CD244: variants seen among roughly 807,000 people sequenced by gnomAD.
The protein encoded by CD244 is CD244 molecule.
CD244 carries 20 observed loss-of-function variants against 45.5 expected under a neutral mutation model. The observed-to-expected ratio is 0.44, with a 90% CI of 0.31 to 0.64. CD244 has a LOEUF of 0.64. Ranked by LOEUF, CD244 falls within the 30% of genes least tolerant of loss-of-function variation. The pLI, the probability that CD244 is intolerant of heterozygous loss-of-function variation, is 0.08. For synonymous variants in CD244, 185 were observed against 160.5 expected, an observed-to-expected ratio of 1.15 and a Z score of -1.15; for missense variants, 407 against 426.9, an observed-to-expected ratio of 0.95 and a Z score of 0.41.
intron 1 of CD244, among the ~76,000 whole-genome samples, chr1:160,855,310 G>A (rs554776537): frequency 3.3e-5 from 5 of 152,164 alleles, no homozygotes; most frequent in Non-Finnish European, 7.4e-5. Flanking sequence ...TCCAGCTGGG[G>A]TTGGAGATTA....
At chr1:160,858,892 G>A (rs1670198868) in intron 1 of CD244, among the ~76,000 whole-genome samples, 2 of 152,214 alleles carry the variant, frequency 1.3e-5, no homozygotes, top group Admixed American at 6.5e-5. Flanking sequence ...GGGTTGACTT[G>A]TGGCAGGTAC....
intron 1 of CD244, among the ~76,000 whole-genome samples, chr1:160,852,013 C>T (rs1384795772): frequency 1.3e-5 from 2 of 152,062 alleles, no homozygotes; most frequent in Non-Finnish European, 2.9e-5. Context: ...GCAATACATA[C>T]ATTTGAAAAA....
rs549240549 is a variant in CD244, at chr1:160,833,888, T to C, written c.960+163A>G. Among the ~76,000 whole-genome samples the C allele has an allele frequency of 1.1e-4, 17 of 152,310 alleles. No individual in the cohort carries two copies. Among genetic ancestry groups the C allele is most frequent in the Non-Finnish European group, 1.0e-4 (7 of 68,028 alleles). On this transcript the variant is annotated intron_variant, in intron 7 of 8. Coordinates refer to ENST00000368034, the MANE Select transcript of CD244 (RefSeq NM_016382.4). ...GACAGAACCAGTAAGGCATTTCTCA[T>C]TGGCCCATTGACATTTAAATACAGT...
chr1:160,833,124 C>T (rs1219833401), intron 7 of CD244, among the ~76,000 whole-genome samples: 1 of 152,052 alleles, frequency 6.6e-6, no homozygotes, highest in Non-Finnish European at 1.5e-5. Context: ...TTCAGAGGCA[C>T]ATTCAGTAGC....
intron 1 of CD244, among the ~76,000 whole-genome samples, chr1:160,857,190 C>T (rs1202423140): frequency 6.6e-6 from 1 of 152,194 alleles, no homozygotes; most frequent in Non-Finnish European, 1.5e-5. Flanking sequence ...AACCAAAAGC[C>T]AGTGGCCCCA....
chr1:160,832,851 C>T (rs1204475755), intron 7 of CD244: 1 of 304,260 alleles, frequency 3.3e-6, no homozygotes, highest in African/African-American at 3.4e-5. Flanking sequence ...AAAACCCATA[C>T]ACATATGTGT....
At chr1:160,846,368 C>T (rs944752803) in intron 1 of CD244, among the ~76,000 whole-genome samples, 4 of 152,154 alleles carry the variant, frequency 2.6e-5, no homozygotes, top group Non-Finnish European at 4.4e-5. Context: ...TCTAGAATTT[C>T]GGTACTTCAA....
rs80141387 is a variant in CD244, at chr1:160,831,585, G to A, written c.1018-158C>T. Among the ~76,000 whole-genome samples, 713 of 152,316 alleles carry A rather than the reference G, an allele frequency of 4.7e-3. 4 individuals carry two copies. The highest frequency in any genetic ancestry group is 0.016 in the African/African-American group (669 of 41,560). ...GGATCCACGACTAGTGTGAAGTGCA[G>A]GAGGGACTTGAATCTAGTTCTTCTG... On this transcript the variant is annotated intron_variant, in intron 8 of 8. Coordinates refer to ENST00000368034, the MANE Select transcript of CD244 (RefSeq NM_016382.4).
At chr1:160,845,901 C>T (rs1344166862) in intron 1 of CD244, among the ~76,000 whole-genome samples, 1 of 150,404 alleles carries the variant, frequency 6.6e-6, no homozygotes, top group Non-Finnish European at 1.5e-5. Context: ...CAAAAGACAA[C>T]CTCTCAATAC....
intron 1 of CD244, among the ~76,000 whole-genome samples, chr1:160,862,049 CCTT>C (rs933877743): frequency 2.1e-4 from 32 of 152,130 alleles, no homozygotes; most frequent in Admixed American, 2.0e-3. Context: ...CATATTGTCT[CCTT>C]CTTCTGCCCC....
At chr1:160,852,079 A>G (rs533156030) in intron 1 of CD244, among the ~76,000 whole-genome samples, 1 of 152,344 alleles carries the variant, frequency 6.6e-6, no homozygotes, top group South Asian at 2.1e-4. Context: ...GATGACAATA[A>G]TAGACTGGAA....
chr1:160,854,949 G>A (rs1670055356), intron 1 of CD244, among the ~76,000 whole-genome samples: 1 of 152,210 alleles, frequency 6.6e-6, no homozygotes, highest in Non-Finnish European at 1.5e-5. Context: ...GATGAGGGAT[G>A]TCTTCACAGA....
At chr1:160,859,240 G>A (rs191563654) in intron 1 of CD244, among the ~76,000 whole-genome samples, 10 of 152,254 alleles carry the variant, frequency 6.6e-5, no homozygotes, top group South Asian at 4.1e-4. Context: ...AACAGAGAGC[G>A]AGGTCCAGGA....
chr1:160,853,614 G>T (rs1384729625), intron 1 of CD244, among the ~76,000 whole-genome samples: 1 of 151,894 alleles, frequency 6.6e-6, no homozygotes, highest in African/African-American at 2.4e-5. Context: ...AATATGACTT[G>T]CCCATTGTGG....
chr1:160,832,862 G>T (rs1669176921), intron 7 of CD244: 2 of 332,108 alleles, frequency 6.0e-6, no homozygotes, highest in Middle Eastern at 2.2e-3. Context: ...ACATATGTGT[G>T]TGTGTGTGTA....
chr1:160,854,143 C>T (rs1403554371), intron 1 of CD244, among the ~76,000 whole-genome samples: 14 of 152,294 alleles, frequency 9.2e-5, no homozygotes, highest in South Asian at 6.2e-4. Context: ...GTTTAATTTT[C>T]AGGTGTTTAG....
chr1:160,857,362 G>A (rs1163628212), intron 1 of CD244, among the ~76,000 whole-genome samples: 1 of 152,054 alleles, frequency 6.6e-6, no homozygotes, highest in Non-Finnish European at 1.5e-5. Context: ...TATTATAATA[G>A]CAAAAACAAA....
chr1:160,854,640 C>G (rs181431636), intron 1 of CD244, among the ~76,000 whole-genome samples: 1,726 of 152,030 alleles, frequency 0.011, 24 homozygotes, highest in Non-Finnish European at 0.016. Flanking sequence ...GTAATCCACC[C>G]GTCTCAGCCT....
At chr1:160,853,027 A>G (rs1669975413) in intron 1 of CD244, among the ~76,000 whole-genome samples, 1 of 152,210 alleles carries the variant, frequency 6.6e-6, no homozygotes, top group Non-Finnish European at 1.5e-5. Flanking sequence ...CCGTCTCAAA[A>G]AAAAAGAAAA....
Sources: gnomAD v4.1 joint callset for allele counts (sites outside exome capture counted in the v4.1 genomes callset) on GRCh38, gnomAD v4.1.1 for gene constraint, MANE v1.5 for transcripts, NCBI Gene and HGNC (gene_info 2026-07-23, HGNC 2026-07-21) for gene names.